The following ACSF2 variants were observed in gnomAD, a reference collection of about 807,000 sequenced individuals.
ACSF2 encodes the protein medium-chain acyl-CoA ligase ACSF2, mitochondrial.
Under a neutral mutation model 79.3 loss-of-function variants are expected in ACSF2, and 52 were observed. That is an observed-to-expected ratio of 0.66 (90% CI 0.53 to 0.83). The LOEUF is 0.83. Ranked by LOEUF, ACSF2 falls within the 40% of genes least tolerant of loss-of-function variation. The probability of loss-of-function intolerance (pLI) is 0.00; values close to 1 mark genes in which losing one functional copy is unlikely to be tolerated. For missense variants in ACSF2, 661 were observed against 803.3 expected (o/e 0.82, Z 2.14); for synonymous variants, 283 against 312.6 (o/e 0.91, Z 1.00).
Position 50,463,298 on chromosome 17 carries a change from A to C in ACSF2, c.888+47A>C, listed in dbSNP as rs938141382. 5 of 1,611,300 alleles carry C rather than the reference A, an allele frequency of 3.1e-6. No individual in the cohort carries two copies. The Admixed American group carries it at 8.3e-5, about 27-fold the overall frequency. On this transcript the variant is annotated intron_variant, in intron 7 of 15. Transcript: ENST00000300441. This position sits in a 1 kb window ranked among gnomAD's most constrained non-coding sequence, Gnocchi z 4.6. The stretch of plus-strand genomic sequence containing the variant: ...GGCAAGGCTGCAGGAGGGGTGGCTC[A>C]GGCAGGGGTGGGGGGCTGGCTGGGC...
At chr17:50,428,367 C>G (rs1391261813) in intron 1 of ACSF2, among the ~76,000 whole-genome samples, 2 of 152,096 alleles carry the variant, frequency 1.3e-5, no homozygotes, top group Non-Finnish European at 2.9e-5. Flanking sequence ...GTAATACCAG[C>G]TACTAGGGTG....
intron 10 of ACSF2, chr17:50,465,470 G>A (rs1250949217): frequency 6.2e-7 from 1 of 1,612,212 alleles, no homozygotes; most frequent in Admixed American, 1.7e-5. Context: ...TGGGGCTGGG[G>A]AAGAAGGTGG....
At chr17:50,440,033 A>G (rs1446033296) in intron 1 of ACSF2, among the ~76,000 whole-genome samples, 1 of 152,102 alleles carries the variant, frequency 6.6e-6, no homozygotes, top group Non-Finnish European at 1.5e-5. Flanking sequence ...CCTTTGTCTC[A>G]TATATAAAAT....
At position 50,464,219 on chromosome 17, in the gene ACSF2, T is replaced by C; in HGVS notation, c.1140T>C (p.Gly380=). 1 of 1,614,104 alleles carries C rather than the reference T, an allele frequency of 6.2e-7. No homozygotes were observed. The highest frequency in any genetic ancestry group is 8.5e-7 in the Non-Finnish European group (1 of 1,180,010). The stretch of plus-strand genomic sequence containing the variant: ...GTGTCAGCCCTCTCTCTGATTCAGG[T>C]GTCATTGCTGGGTCCCCTGCACCTC... ...SSYDISTMCG[G]VIAGSPAPPE... is the part of the protein sequence containing the mutation. The change falls in exon 10 of 16, where the codon GGT becomes GGC. Residue 380 remains glycine, a splice_region_variant and synonymous_variant. Coordinates refer to ENST00000300441, the MANE Select transcript of ACSF2 (RefSeq NM_025149.6).
Position 50,473,920 on chromosome 17 carries a change from G to T in ACSF2, c.1644G>T (p.Met548Ile). The change falls in exon 14 of 16, where the codon ATG becomes ATT. Residue 548 changes from methionine (M) to isoleucine (I), a missense_variant. Met to Ile is a conservative substitution (Grantham distance 10, BLOSUM62 1). Transcript: ENST00000300441. Reference sequence around the variant, plus strand: ...TGGTGGGAGTGAAGGACGATCGGATGGGGGAAGAGATTTGTGCCTGCATTC... The same window carrying T: ...TGGTGGGAGTGAAGGACGATCGGATTGGGGAAGAGATTTGTGCCTGCATTC... ...VQVVGVKDDR[M>I]GEEICACIRL... The T allele has an allele frequency of 6.3e-7, 1 of 1,581,324 alleles. No individual in the cohort carries two copies.
In ACSF2 at chr17:50,460,973, G is replaced by A. The variant is rs2032294915; in HGVS notation, c.324+101G>A. ...CGTGGGCACCTGGCTATGGGGCAAT[G>A]TGCTAGGGCTGCCAGAGAACCCCGA... On this transcript the variant is annotated intron_variant, in intron 2 of 15. Coordinates refer to ENST00000300441, the MANE Select transcript of ACSF2 (RefSeq NM_025149.6). 1.5e-5 allele frequency: 20 copies of A among 1,371,850 alleles called. No homozygotes were observed. In the South Asian group the frequency reaches 2.1e-4, roughly 15 times the overall value. 85.0% of individuals were successfully genotyped at this position (1,371,850 alleles called of 1,614,324 possible).
chr17:50,456,762 A>T (rs961947248), intron 1 of ACSF2, among the ~76,000 whole-genome samples: 4 of 143,618 alleles, frequency 2.8e-5, no homozygotes, highest in African/African-American at 1.0e-4. Flanking sequence ...AAAATAAAAT[A>T]AAAAAGGTGC....
chr17:50,471,260 C>A lies in ACSF2; in HGVS notation c.1323+125C>A. The A allele has an allele frequency of 5.3e-6, 4 of 749,726 alleles. No homozygotes were observed. Among genetic ancestry groups the A allele is most frequent in the Non-Finnish European group, 4.6e-6 (2 of 435,712 alleles). The allele number at this position is 749,726 out of a possible 1,614,324, so 46.4% of individuals were successfully genotyped here. On this transcript the variant is annotated intron_variant, in intron 11 of 15. Transcript: ENST00000300441. This position sits in a 1 kb window ranked among gnomAD's most constrained non-coding sequence, Gnocchi z 4.1. Reference sequence around the variant, plus strand: ...CTCACTCAGGATGCCTAGAGCCCCCCAGCAGCAGGGGTGTGCTAGGCCTGG... The same window carrying A: ...CTCACTCAGGATGCCTAGAGCCCCCAAGCAGCAGGGGTGTGCTAGGCCTGG...
chr17:50,467,817 T>C (rs2032834617), intron 10 of ACSF2: 2 of 513,360 alleles, frequency 3.9e-6, no homozygotes, highest in Non-Finnish European at 3.4e-6. Context: ...TCCTTTTATA[T>C]GTAAGAATCC....
chr17:50,471,768 G>C lies in ACSF2; in HGVS notation c.1323+633G>C, dbSNP rs1031161345. ...GCTGCTTCCCCTGGGGCTGACCGCTGTCCTGGCGTGAATCTGCCCTGCCCT... is the reference window on the plus strand; with the variant it reads ...GCTGCTTCCCCTGGGGCTGACCGCTCTCCTGGCGTGAATCTGCCCTGCCCT... On this transcript the variant is annotated intron_variant, in intron 11 of 15. Transcript: ENST00000300441. The surrounding 1 kb of genome is among the most constrained non-coding windows in gnomAD (Gnocchi z 4.1). 1.9e-5 allele frequency: 3 copies of C among 157,240 alleles called. No homozygotes were observed. Among genetic ancestry groups the C allele is most frequent in the Non-Finnish European group, 4.2e-5 (3 of 71,290 alleles). 9.7% of individuals were successfully genotyped at this position (157,240 alleles called of 1,614,324 possible). A position where few individuals can be genotyped will look rare whatever the true frequency, so the allele number is the denominator to read the frequency against.
rs1315584296 is a variant in ACSF2 at position 50,460,863 on chromosome 17, CAAG to C, written c.316_318del (p.Lys106del). ...ACGTCAGGTTGACCTTTGCCCAACT[CAAG>C]GAGGAGGTGGGTCCTGACCTGGAAA... is the stretch of plus-strand genomic sequence containing the variant. On this transcript the variant is annotated inframe_deletion, in exon 2 of 16. Transcript: ENST00000300441. 2 of 1,608,638 alleles carry C rather than the reference CAAG, an allele frequency of 1.2e-6. No homozygotes were observed. The highest frequency in any genetic ancestry group is 1.3e-5 in the African/African-American group (1 of 74,798).
intron 1 of ACSF2, among the ~76,000 whole-genome samples, chr17:50,454,169 ATTTTTTT>A (rs34569538): frequency 1.6e-3 from 178 of 113,072 alleles, no homozygotes; most frequent in African/African-American, 6.2e-3. Context: ...ACCGTCCCAA[ATTTTTTT>A]TTTTTTTTTT....
chr17:50,433,081 A>G (rs763093546), intron 1 of ACSF2, among the ~76,000 whole-genome samples: 2 of 151,488 alleles, frequency 1.3e-5, no homozygotes, highest in Non-Finnish European at 2.9e-5. Flanking sequence ...ACACACACGC[A>G]CACACACACT....
chr17:50,465,517 G>A, intron 10 of ACSF2: 1 of 1,543,930 alleles, frequency 6.5e-7, no homozygotes, highest in South Asian at 1.1e-5. Flanking sequence ...TATGGGGCCA[G>A]GATTGACTTG....
rs141082348 is a variant in ACSF2, at chr17:50,470,736, G to A, written c.1216-292G>A. Reference sequence around the variant, plus strand: ...AATACCGGAGCCACAGGCACAGACAGGTGGCTGCTCCAGGGAAACGGGGCA... The same window carrying A: ...AATACCGGAGCCACAGGCACAGACAAGTGGCTGCTCCAGGGAAACGGGGCA... On this transcript the variant is annotated intron_variant, in intron 10 of 15. Coordinates refer to ENST00000300441, the MANE Select transcript of ACSF2 (RefSeq NM_025149.6). 9.4e-3 allele frequency among the ~76,000 whole-genome samples: 1,427 copies of A among 152,164 alleles called. 17 individuals carry two copies. Among genetic ancestry groups the A allele is most frequent in the South Asian group, 0.019 (93 of 4,820 alleles).
chr17:50,459,830 G>A (rs915956174), intron 1 of ACSF2, among the ~76,000 whole-genome samples: 4 of 152,248 alleles, frequency 2.6e-5, no homozygotes, highest in Admixed American at 1.3e-4. Flanking sequence ...ACTAGAACCC[G>A]AGCCAGGTCC....
At position 50,473,919 on chromosome 17, in the gene ACSF2, T is replaced by C. The variant is rs780260896; in HGVS notation, c.1643T>C (p.Met548Thr). 6.3e-7 allele frequency: 1 copy of C among 1,582,770 alleles called. No homozygotes were observed. The highest frequency in any genetic ancestry group is 8.6e-7 in the Non-Finnish European group (1 of 1,161,800). ...GTGGTGGGAGTGAAGGACGATCGGATGGGGGAAGAGATTTGTGCCTGCATT... is the reference window on the plus strand; with the variant it reads ...GTGGTGGGAGTGAAGGACGATCGGACGGGGGAAGAGATTTGTGCCTGCATT... ...VQVVGVKDDR[M>T]GEEICACIRL... is the part of the protein sequence containing the mutation. Residue 548 changes from methionine to threonine, a missense_variant, in exon 14 of 16, where the codon ATG (methionine) becomes ACG (threonine). Physicochemically the swap from Met to Thr is moderately conservative, Grantham distance 81. Transcript: ENST00000300441.
At chr17:50,465,291 C>A in intron 10 of ACSF2, 7 of 1,613,946 alleles carry the variant, frequency 4.3e-6, no homozygotes, top group Non-Finnish European at 5.9e-6. Context: ...ACCTGGCCCC[C>A]ACCTGTTTAA....
chr17:50,468,589 C>A, intron 10 of ACSF2: 1 of 1,614,164 alleles, frequency 6.2e-7, no homozygotes, highest in Non-Finnish European at 8.5e-7. Context: ...ACACGAGGTT[C>A]GGCATGGCCC....
Sources: gnomAD v4.1 joint callset for allele counts (sites outside exome capture counted in the v4.1 genomes callset) on GRCh38, gnomAD v4.1.1 for gene constraint, Gnocchi (gnomAD v3.1) non-coding constraint, MANE v1.5 for transcripts, NCBI Gene and HGNC (gene_info 2026-07-23, HGNC 2026-07-21) for gene names.